ADGRD2: variants seen among roughly 807,000 people sequenced by gnomAD.
The protein encoded by ADGRD2 is adhesion G protein-coupled receptor D2.
ADGRD2 carries 71 observed loss-of-function variants against 44.4 expected under a neutral mutation model. That is an observed-to-expected ratio of 1.60 (90% CI 1.32 to 1.95). ADGRD2 has a LOEUF of 1.95. Among genes scored for constraint, ADGRD2 ranks in the 30% most tolerant of loss-of-function variants. The probability of loss-of-function intolerance (pLI) is 0.00; values close to 1 mark genes in which losing one functional copy is unlikely to be tolerated. For missense variants in ADGRD2, 1,039 were observed against 512.4 expected, an observed-to-expected ratio of 2.03 and a Z score of -9.92; for synonymous variants, 481 against 224.8, an observed-to-expected ratio of 2.14 and a Z score of -10.19.
intron 12 of ADGRD2, 76 bp from the exon 16 acceptor site, chr9:124,468,012 C>A (rs917298761): frequency 1.4e-6 from 1 of 715,414 alleles, no homozygotes; most frequent in African/African-American, 1.7e-5. Flanking sequence ...CACAGGGGAT[C>A]GGGCAGGACA....
chr9:124,469,413 A>G lies in ADGRD2; in HGVS notation c.2522-19A>G. The G allele has an allele frequency of 1.4e-6, 1 of 718,128 alleles. No individual in the cohort carries two copies. Among genetic ancestry groups the G allele is most frequent in the Non-Finnish European group, 2.6e-6 (1 of 385,060 alleles). 44.5% of individuals were successfully genotyped at this position (718,128 alleles called of 1,614,324 possible). On this transcript the variant is annotated intron_variant, in intron 15 of 21. Transcript: ENST00000334810. ...TGGGGATGGGGAAGTCCTCTTGCCC[A>G]CTGACCCCAGGTCTCCAGGCCAACA...
At chr9:124,470,515 G>A (rs1564143108) in exon 17 of ADGRD2, 1 of 711,294 alleles carries the variant, frequency 1.4e-6, no homozygotes, top group South Asian at 1.5e-5. Flanking sequence ...AGCCCGTGCT[G>A]GTCCTGCTGC....
At chr9:124,451,191 G>A (rs776424959), upstream of ADGRD2, 9 of 472,062 alleles carry the variant, frequency 1.9e-5, no homozygotes, top group Non-Finnish European at 3.1e-5. Context: ...ACGGAGCAGC[G>A]GTGGACAGGT....
At chr9:124,452,675 T>A in exon 2 of ADGRD2, 1 of 717,200 alleles carries the variant, frequency 1.4e-6, no homozygotes, top group Non-Finnish European at 2.6e-6. Context: ...CGCGATCCGG[T>A]CTGGGTGGGC....
At chr9:124,459,458 C>A (rs1181237871) in intron 10 of ADGRD2, among the ~76,000 whole-genome samples, 2 of 151,966 alleles carry the variant, frequency 1.3e-5, no homozygotes, top group African/African-American at 2.4e-5. Flanking sequence ...CACACCACTG[C>A]CCTCCAGCCT....
intron 10 of ADGRD2, 68 bp from the exon 14 acceptor site, chr9:124,466,190 A>G (rs955899056): frequency 1.9e-6 from 1 of 526,872 alleles, no homozygotes; most frequent in South Asian, 3.1e-5. Flanking sequence ...GACAGGCCCC[A>G]GGCTCTGGGG....
intron 8 of ADGRD2, among the ~76,000 whole-genome samples, 198 bp downstream of exon 11, chr9:124,457,804 C>T (rs1406977118): frequency 6.6e-6 from 1 of 152,208 alleles, no homozygotes; most frequent in Non-Finnish European, 1.5e-5. Flanking sequence ...TCTCCTCCAC[C>T]GAACCACACA....
At position 124,453,434 on chromosome 9, in the gene ADGRD2, G is replaced by T. The variant is rs957295190; in HGVS notation, c.683G>T (p.Gly228Val). 4.4e-4 allele frequency: 295 copies of T among 662,970 alleles called. 3 individuals are homozygous for T. The Admixed American group carries it at 6.9e-3, about 16-fold the overall frequency. The allele number at this position is 662,970 out of a possible 1,614,324, so 41.1% of individuals were successfully genotyped here. A position where few individuals can be genotyped will look rare whatever the true frequency, so the allele number is the denominator to read the frequency against. ...GGCGCCGGCCACCCGGTGCCGTCCG[G>T]CGGCATCCTGGTGCTGGGCCAGGAT... Residue 228 changes from glycine to valine, a missense_variant, in exon 3 of 22, where the codon GGC becomes GTC. Transcript: ENST00000334810.
At chr9:124,468,787 C>T in intron 14 of ADGRD2, 115 bp downstream of exon 17, 2 of 618,228 alleles carry the variant, frequency 3.2e-6, no homozygotes, top group Non-Finnish European at 5.8e-6. Context: ...CACTCAGCAT[C>T]CGGCATTTAG....
intron 10 of ADGRD2, 66 bp downstream of exon 13, chr9:124,458,787 C>T: frequency 1.4e-6 from 1 of 695,246 alleles, no homozygotes. Context: ...TTCCCCCAAC[C>T]CCCAGTATTT....
At chr9:124,466,199 G>A (rs1390625476) in intron 10 of ADGRD2, 59 bp from the exon 14 acceptor site, 7 of 542,368 alleles carry the variant, frequency 1.3e-5, no homozygotes, top group Admixed American at 1.2e-4. Flanking sequence ...CAGGCTCTGG[G>A]GAAAGCCTTT....
At position 124,458,712 on chromosome 9, in the gene ADGRD2, C is replaced by G. The variant is rs1186459922; in HGVS notation, c.1863C>G (p.His621Gln). ...TGGCCATGACCTTTCATCTCCAGCA[C>G]CGGGCCCAGGTACTGGGTGGCGCTT... The change falls in exon 10 of 22, where the codon CAC becomes CAG. Residue 621 changes from histidine (H) to glutamine (Q), a missense_variant. Physicochemically the swap from His to Gln is conservative, Grantham distance 24 (BLOSUM62 0). Transcript: ENST00000334810. The G allele has an allele frequency of 5.6e-6, 4 of 718,506 alleles. No homozygotes were observed. The Admixed American group carries it at 8.0e-5, about 14-fold the overall frequency. The allele number at this position is 718,506 out of a possible 1,614,324, so 44.5% of individuals were successfully genotyped here. A position where few individuals can be genotyped will look rare whatever the true frequency, so the allele number is the denominator to read the frequency against.
intron 21 of ADGRD2, 125 bp downstream of exon 24, chr9:124,476,834 C>A (rs376892869): frequency 8.8e-6 from 6 of 680,746 alleles, no homozygotes; most frequent in South Asian, 4.7e-5. Context: ...TGCAGAGGCC[C>A]TCCCCTCACT....
chr9:124,462,083 G>C (rs2131242125), intron 10 of ADGRD2, among the ~76,000 whole-genome samples: 1 of 150,122 alleles, frequency 6.7e-6, no homozygotes, highest in African/African-American at 2.4e-5. Context: ...TTTGAGACAG[G>C]GTCTCATTTT....
intron 10 of ADGRD2, among the ~76,000 whole-genome samples, chr9:124,463,985 A>G (rs1831766715): frequency 6.6e-6 from 1 of 152,052 alleles, no homozygotes; most frequent in African/African-American, 2.4e-5. Context: ...CTGCAGGTCC[A>G]TACCACCACG....
At chr9:124,470,005 T>C (rs1431151629) in intron 16 of ADGRD2, among the ~76,000 whole-genome samples, 1 of 152,186 alleles carries the variant, frequency 6.6e-6, no homozygotes, top group African/African-American at 2.4e-5. Flanking sequence ...GGTCACACTC[T>C]GGGAGAGAGA....
At chr9:124,471,507 C>T (rs755743918) in intron 17 of ADGRD2, among the ~76,000 whole-genome samples, 6 of 152,226 alleles carry the variant, frequency 3.9e-5, no homozygotes, top group Non-Finnish European at 8.8e-5. Flanking sequence ...GGTGCTCCCT[C>T]TGAGCCCCAG....
At chr9:124,451,005 T>C (rs1285445519), upstream of ADGRD2, 1 of 468,842 alleles carries the variant, frequency 2.1e-6, no homozygotes, top group East Asian at 6.9e-5. Flanking sequence ...GTATCCCCGC[T>C]GAGCACAGCG....
chr9:124,451,920 G>C (rs1400209380), upstream of ADGRD2, among the ~76,000 whole-genome samples: 1 of 151,992 alleles, frequency 6.6e-6, no homozygotes, highest in Non-Finnish European at 1.5e-5. Context: ...GGCAGCAAAG[G>C]GCCCTCCCGA....
Sources: gnomAD v4.1 joint callset for allele counts (sites outside exome capture counted in the v4.1 genomes callset) on GRCh38, gnomAD v4.1.1 for gene constraint, MANE v1.5 for transcripts, NCBI Gene and HGNC (gene_info 2026-07-23, HGNC 2026-07-21) for gene names.